Variants in MGST1 observed in about 807,000 individuals in gnomAD.
MGST1 encodes glutathione S-transferase 12.
In MGST1, 5 loss-of-function variants were observed where a neutral mutation model predicts 8.9. That is an observed-to-expected ratio of 0.56 (90% CI 0.29 to 1.19). MGST1 has a LOEUF of 1.19. Ranked by LOEUF, MGST1 falls within the 50% of genes most tolerant of loss-of-function variation. The pLI is 0.08. For missense variants in MGST1, 182 were observed against 187.4 expected, an observed-to-expected ratio of 0.97 and a Z score of 0.17; for synonymous variants, 54 against 67.8, an observed-to-expected ratio of 0.80 and a Z score of 1.00.
In MGST1 at chr12:16,413,053, C is replaced by T. The variant is rs2137075965; in HGVS notation, n.779-24335C>T. 1.3e-5 allele frequency among the ~76,000 whole-genome samples: 2 copies of T among 152,202 alleles called. No individual in the cohort carries two copies. Among genetic ancestry groups the T allele is most frequent in the East Asian group, 1.9e-4 (1 of 5,168 alleles). ...GAACTCCTCAGTCCACCCCACCTGT[C>T]CTGGATGGTGATAGTGAAGGTGGTT... On this transcript the variant is annotated intron_variant and non_coding_transcript_variant, in intron 1 of 1. Coordinates refer to the MGST1 transcript ENST00000359720. The surrounding 1 kb of genome is among the most constrained non-coding windows in gnomAD (Gnocchi z 4.0).
At chr12:16,565,983 CATATATATATATAT>C (rs61358392) in intron 4 of MGST1, among the ~76,000 whole-genome samples, 1,348 of 43,696 alleles carry the variant, frequency 0.031, 91 homozygotes, top group Non-Finnish European at 0.044. Context: ...GAAAATGTGC[CATATATATATATAT>C]ATATATATAT....
chr12:16,393,145 A>G (rs925548041), intron 1 of MGST1, among the ~76,000 whole-genome samples: 2 of 152,210 alleles, frequency 1.3e-5, no homozygotes, highest in Non-Finnish European at 2.9e-5. Context: ...ATGACCACAT[A>G]AACACATTGC....
chr12:16,574,797 G>A (rs2137477905), intron 4 of MGST1, among the ~76,000 whole-genome samples: 1 of 152,240 alleles, frequency 6.6e-6, no homozygotes, highest in African/African-American at 2.4e-5. Context: ...ATTTTGAGAG[G>A]TGGTAGGTGG....
chr12:16,591,920 C>G (rs1302755750), downstream of MGST1, among the ~76,000 whole-genome samples: 1 of 151,996 alleles, frequency 6.6e-6, no homozygotes, highest in East Asian at 1.9e-4. This position sits in a 1 kb window ranked among gnomAD's most constrained non-coding sequence, Gnocchi z 4.1. Flanking sequence ...TTGTCATTCT[C>G]TATATTGGTT....
intron 1 of MGST1, among the ~76,000 whole-genome samples, chr12:16,427,145 C>T (rs77747706): frequency 0.011 from 1,627 of 152,100 alleles, 18 homozygotes; most frequent in Non-Finnish European, 0.015. Flanking sequence ...TTACATTATT[C>T]TATTAAGGAG....
Position 16,357,671 on chromosome 12 carries a change from A to G in MGST1, c.193A>G (p.Thr65Ala). 3 of 1,613,984 alleles carry G rather than the reference A, an allele frequency of 1.9e-6. No individual in the cohort carries two copies. Among genetic ancestry groups the G allele is most frequent in the Non-Finnish European group, 2.5e-6 (3 of 1,179,914 alleles). ...AGAAAATGCCAAGAAGTATCTTCGA[A>G]CAGATGACAGAGTAGAACGTGTACG... Reference protein sequence around the residue: ...KGENAKKYLRTDDRVERVRRA... With the variant: ...KGENAKKYLRADDRVERVRRA... Residue 65 changes from threonine (T) to alanine (A), a missense_variant, in exon 3 of 4, where the codon ACA becomes GCA. Coordinates refer to ENST00000396210, the MANE Select transcript of MGST1 (RefSeq NM_020300.5).
At chr12:16,575,697 A>G (rs1942971881) in intron 4 of MGST1, among the ~76,000 whole-genome samples, 1 of 152,186 alleles carries the variant, frequency 6.6e-6, no homozygotes. Context: ...TGAGCCATTT[A>G]GGATTTCCCC....
intron 4 of MGST1, among the ~76,000 whole-genome samples, chr12:16,553,176 C>T (rs551502611): frequency 3.3e-5 from 5 of 152,080 alleles, no homozygotes; most frequent in Non-Finnish European, 7.4e-5. Flanking sequence ...TAAGCATTGT[C>T]ATGGCTTTTT....
chr12:16,467,986 C>T (rs1028030511), intron 4 of MGST1, among the ~76,000 whole-genome samples: 3 of 152,142 alleles, frequency 2.0e-5, no homozygotes, highest in Non-Finnish European at 4.4e-5. Flanking sequence ...TGTTGAGGCT[C>T]ATTGTCAGCT....
chr12:16,501,152 C>T (rs1334791831), intron 4 of MGST1, among the ~76,000 whole-genome samples: 1 of 145,570 alleles, frequency 6.9e-6, no homozygotes, highest in Non-Finnish European at 1.5e-5. Context: ...ATCACAAATA[C>T]ACAGATATAC....
At chr12:16,478,940 T>C (rs943630196) in intron 4 of MGST1, among the ~76,000 whole-genome samples, 2 of 152,070 alleles carry the variant, frequency 1.3e-5, no homozygotes, top group African/African-American at 2.4e-5. Context: ...ATAAAACATA[T>C]CACTAAACAG....
chr12:16,451,422 C>T (rs1272154837), intron 4 of MGST1, among the ~76,000 whole-genome samples: 3 of 151,734 alleles, frequency 2.0e-5, no homozygotes, highest in Non-Finnish European at 4.4e-5. Flanking sequence ...ACTTTTTATG[C>T]ATTACATATT....
intron 1 of MGST1, among the ~76,000 whole-genome samples, chr12:16,422,589 C>A (rs1183035110): frequency 6.6e-5 from 10 of 152,118 alleles, no homozygotes; most frequent in Admixed American, 5.9e-4. Flanking sequence ...TGTTCTTCTG[C>A]CTCTGGATTG....
At chr12:16,486,082 C>G (rs1034482083) in intron 4 of MGST1, among the ~76,000 whole-genome samples, 2 of 152,192 alleles carry the variant, frequency 1.3e-5, no homozygotes, top group Non-Finnish European at 2.9e-5. Context: ...GTTCCCTGCT[C>G]TTATTCAGGC....
chr12:16,414,734 T>G (rs985384531), intron 1 of MGST1, among the ~76,000 whole-genome samples: 1 of 152,124 alleles, frequency 6.6e-6, no homozygotes, highest in African/African-American at 2.4e-5. Context: ...ATTTTAAAAA[T>G]ATTTTCAGCT....
intron 4 of MGST1, among the ~76,000 whole-genome samples, chr12:16,543,957 TTC>T (rs1240783791): frequency 6.6e-6 from 1 of 152,050 alleles, no homozygotes; most frequent in African/African-American, 2.4e-5. Flanking sequence ...ATTCTTCTGT[TTC>T]TTTATTGACA....
intron 4 of MGST1, among the ~76,000 whole-genome samples, chr12:16,475,496 T>A (rs939074592): frequency 1.3e-5 from 2 of 152,244 alleles, no homozygotes; most frequent in African/African-American, 4.8e-5. Context: ...ACATAGTTTC[T>A]TTGTTAACGG....
chr12:16,490,903 T>C (rs547485708), intron 4 of MGST1, among the ~76,000 whole-genome samples: 13 of 152,288 alleles, frequency 8.5e-5, no homozygotes, highest in African/African-American at 2.4e-4. Flanking sequence ...ATTTATTAAG[T>C]ACTTTCAAGA....
downstream of MGST1, among the ~76,000 whole-genome samples, chr12:16,592,351 G>A (rs964421711): frequency 6.6e-6 from 1 of 151,916 alleles, no homozygotes; most frequent in Non-Finnish European, 1.5e-5. Flanking sequence ...CTAATAAATG[G>A]TCACAGAAAA....
Sources: allele counts gnomAD v4.1 joint callset (sites outside exome capture counted in the v4.1 genomes callset), GRCh38; gene constraint gnomAD v4.1.1; non-coding constraint Gnocchi (gnomAD v3.1); transcripts MANE v1.5; gene names NCBI Gene and HGNC (gene_info 2026-07-23, HGNC 2026-07-21).